Variants in INSRR observed in about 807,000 individuals in gnomAD.
The protein encoded by INSRR is insulin receptor related receptor.
A neutral mutation model predicts 130.0 loss-of-function variants in INSRR; 114 were observed. That is an observed-to-expected ratio of 0.88 (90% CI 0.75 to 1.02). The LOEUF is 1.02. Ranked by LOEUF, INSRR falls within the 50% of genes least tolerant of loss-of-function variation. The pLI is 0.00. For missense variants in INSRR, 1,657 were observed against 1,735.2 expected, an observed-to-expected ratio of 0.95 and a Z score of 0.80; for synonymous variants, 674 against 705.2, an observed-to-expected ratio of 0.96 and a Z score of 0.70.
intron 6 of INSRR, 74 bp from the exon 7 acceptor site, chr1:156,849,121 C>A: frequency 6.3e-7 from 1 of 1,597,784 alleles, no homozygotes; most frequent in Non-Finnish European, 8.5e-7. Context: ...CCCGCGGCAT[C>A]CCATTCCCAG....
In INSRR at chr1:156,848,977, G is replaced by A. The variant is rs1266200419; in HGVS notation, c.1515C>T (p.Arg505=). Residue 505 remains arginine (R), a synonymous_variant, in exon 7 of 22, where the codon CGC becomes CGT. Transcript: ENST00000368195. The part of the protein sequence containing the change: ...EADRILLRWE[R]YEPLEARDLL... The stretch of plus-strand genomic sequence containing the variant: ...GGTCGCGGGCCTCCAGTGGCTCATA[G>A]CGCTCCCAGCGTAGCAGGATGCGGT... 6.2e-7 allele frequency: 1 copy of A among 1,608,624 alleles called. No individual in the cohort carries two copies. Among genetic ancestry groups the A allele is most frequent in the Non-Finnish European group, 8.5e-7 (1 of 1,177,994 alleles).
At chr1:156,846,337 A>G (rs1038551901) in intron 8 of INSRR, among the ~76,000 whole-genome samples, 182 bp downstream of exon 8, 3 of 151,956 alleles carry the variant, frequency 2.0e-5, no homozygotes, top group African/African-American at 4.8e-5. Context: ...GACTGTCCCA[A>G]TCCCAGCCCC....
At chr1:156,856,782 G>T (rs11264574) in intron 1 of INSRR, among the ~76,000 whole-genome samples, 7,738 of 152,232 alleles carry the variant, frequency 0.051, 207 homozygotes, top group Admixed American at 0.075. Context: ...TGGATGTCTG[G>T]ATCCCAAGTT....
rs1655320744 is a variant in INSRR, at chr1:156,853,936, G to C, written c.453C>G (p.Ser151=). 5 of 1,613,922 alleles carry C rather than the reference G, an allele frequency of 3.1e-6. No homozygotes were observed. The highest frequency in any genetic ancestry group is 4.2e-6 in the Non-Finnish European group (5 of 1,179,878). The change falls in exon 2 of 22, where the codon TCC becomes TCG. Residue 151 remains serine, a synonymous_variant. Coordinates refer to ENST00000368195, the MANE Select transcript of INSRR (RefSeq NM_014215.3). ...GCTGCAGCAGTCCCCAGTCAATGGT[G>C]GAGAGGTGGCAGAGCTCCTGGTTCT... ...VEKNQELCHL[S]TIDWGLLQPA...
chr1:156,843,468 A>G lies in INSRR; in HGVS notation c.2855T>C (p.Leu952Pro). ...GTACTCTGGATTCACAGAAGCATAC[A>G]GGGTTCTGTTTCTGCAACGGGAGGT... ...FFYGKKRNRT[L>P]YASVNPEYFS... The change falls in exon 16 of 22, where the codon CTG becomes CCG. Residue 952 changes from leucine to proline, a missense_variant. Leu to Pro is a moderately conservative substitution (Grantham distance 98, BLOSUM62 -3). Transcript: ENST00000368195. 1.9e-6 allele frequency: 3 copies of G among 1,614,196 alleles called. No homozygotes were observed. Among genetic ancestry groups the G allele is most frequent in the Non-Finnish European group, 2.5e-6 (3 of 1,180,028 alleles).
intron 7 of INSRR, among the ~76,000 whole-genome samples, chr1:156,847,591 C>G (rs1474614040): frequency 6.6e-6 from 1 of 151,830 alleles, no homozygotes; most frequent in Non-Finnish European, 1.5e-5. Context: ...AATTGGGTGG[C>G]AGTGGGGGAA....
At position 156,853,870 on chromosome 1, in the gene INSRR, G is replaced by A. The variant is rs150662487; in HGVS notation, c.519C>T (p.Gly173=). The A allele has an allele frequency of 1.2e-4, 188 of 1,614,062 alleles. 1 individual carries two copies. The highest frequency in any genetic ancestry group is 9.1e-4 in the South Asian group (83 of 91,082). Residue 173 remains glycine (G), a synonymous_variant, in exon 2 of 22, where the codon GGC becomes GGT. Coordinates refer to ENST00000368195, the MANE Select transcript of INSRR (RefSeq NM_014215.3). ...GANHIVGNKL[G]EECADVCPGV... is the part of the protein sequence containing the mutation. ...CAGGGCACACGTCAGCACACTCCTC[G>A]CCCAGCTTGTTGCCCACGATGTGGT...
intron 19 of INSRR, 48 bp downstream of exon 19, chr1:156,842,064 G>A: frequency 6.2e-7 from 1 of 1,610,602 alleles, no homozygotes; most frequent in Non-Finnish European, 8.5e-7. Flanking sequence ...GCTTAAGGGA[G>A]TCTCTCTACT....
intron 5 of INSRR, among the ~76,000 whole-genome samples, 174 bp from the exon 6 acceptor site, chr1:156,849,634 T>C (rs1454466532): frequency 6.6e-6 from 1 of 152,196 alleles, no homozygotes; most frequent in Non-Finnish European, 1.5e-5. Flanking sequence ...TCTGTGCCAC[T>C]GACCAGGAGT....
At position 156,845,983 on chromosome 1, in the gene INSRR, G is replaced by C. The variant is rs1654992800; in HGVS notation, c.1947C>G (p.Gly649=). ...LVLWQRLAED[G]DLYLNDYCHR... ...GGCAGTAGTCATTGAGGTAGAGGTC[G>C]CCGTCCTCTGCCAGCCGCTGCCACA... is the stretch of plus-strand genomic sequence containing the variant. Residue 649 remains glycine (G), a synonymous_variant, in exon 9 of 22, where the codon GGC becomes GGG. Coordinates refer to ENST00000368195, the MANE Select transcript of INSRR (RefSeq NM_014215.3). 6.2e-7 allele frequency: 1 copy of C among 1,613,246 alleles called. No individual in the cohort carries two copies. The highest frequency in any genetic ancestry group is 1.7e-5 in the Admixed American group (1 of 59,952).
At position 156,846,603 on chromosome 1, in the gene INSRR, G is replaced by T. The variant is rs762538907; in HGVS notation, c.1726C>A (p.Arg576=). 6.2e-7 allele frequency: 1 copy of T among 1,613,968 alleles called. No homozygotes were observed. Among genetic ancestry groups the T allele is most frequent in the Non-Finnish European group, 8.5e-7 (1 of 1,180,024 alleles). Residue 576 remains arginine (R), a synonymous_variant, in exon 8 of 22, where the codon CGG becomes AGG. Coordinates refer to ENST00000368195, the MANE Select transcript of INSRR (RefSeq NM_014215.3). ...KPWTQYAVFV[R]AITLTTEEDS... is the part of the protein sequence containing the mutation. ...TCCTCAGTGGTTAGCGTGATGGCCC[G>T]CACAAACACTGCGTACTGTGTCCAA...
rs768051006 is a variant in INSRR at position 156,854,011 on chromosome 1, C to T, written c.378G>A (p.Val126=). The T allele has an allele frequency of 3.7e-6, 6 of 1,613,880 alleles. No individual in the cohort carries two copies. In the Admixed American group the frequency reaches 5.0e-5, roughly 13 times the overall value. The part of the protein sequence containing the change: ...VIFEMPHLRD[V]ALPALGAVLR... ...GCACGGCCCCAAGTGCAGGCAGTGC[C>T]ACGTCACGCAGATGTGGCATCTCAA... is the stretch of plus-strand genomic sequence containing the variant. The change falls in exon 2 of 22, where the codon GTG becomes GTA. Residue 126 remains valine, a synonymous_variant. Transcript: ENST00000368195. The surrounding 1 kb of genome is among the most constrained non-coding windows in gnomAD (Gnocchi z 4.2).
chr1:156,857,126 T>C (rs1356705451), intron 1 of INSRR, among the ~76,000 whole-genome samples: 3 of 151,200 alleles, frequency 2.0e-5, no homozygotes, highest in African/African-American at 7.3e-5. Flanking sequence ...CTGTTGTCAT[T>C]AATGGTCCTG....
Position 156,858,709 on chromosome 1 carries a change from A to G in INSRR, c.-88T>C. On this transcript the variant is annotated 5_prime_UTR_variant, in exon 1 of 22. Transcript: ENST00000368195. ...GTGATAAGCCCTAAGGGACACAGAG[A>G]CCAGGGTTCAGATAGGAGAGGGAGG... 9.0e-7 allele frequency: 1 copy of G among 1,116,900 alleles called. No homozygotes were observed. Among genetic ancestry groups the G allele is most frequent in the Non-Finnish European group, 1.4e-6 (1 of 731,832 alleles). The allele number at this position is 1,116,900 out of a possible 1,614,324, so 69.2% of individuals were successfully genotyped here.
rs767529375 is a variant in INSRR at position 156,851,703 on chromosome 1, C to T, written c.1027G>A (p.Asp343Asn). The T allele has an allele frequency of 3.1e-6, 5 of 1,614,074 alleles. No individual in the cohort carries two copies. The highest frequency in any genetic ancestry group is 4.2e-6 in the Non-Finnish European group (5 of 1,180,022). ...TCCACATGCGTGCAGCCCACAAGAT[C>T]CTGTGCCGCCTGGATGGAGTCGATG... is the stretch of plus-strand genomic sequence containing the variant. Reference protein sequence around the residue: ...KTIDSIQAAQDLVGCTHVEGS... With the variant: ...KTIDSIQAAQNLVGCTHVEGS... Residue 343 changes from aspartate (D) to asparagine (N), a missense_variant, in exon 4 of 22, where the codon GAT (aspartate) becomes AAT (asparagine). Coordinates refer to ENST00000368195, the MANE Select transcript of INSRR (RefSeq NM_014215.3).
At chr1:156,857,965 G>C (rs1261835360) in intron 1 of INSRR, among the ~76,000 whole-genome samples, 2 of 152,204 alleles carry the variant, frequency 1.3e-5, no homozygotes, top group Admixed American at 6.5e-5. Context: ...ATCTAGCCTG[G>C]GGGACAGGCC....
At chr1:156,844,114 A>T in intron 15 of INSRR, 61 bp downstream of exon 15, 1 of 1,248,974 alleles carries the variant, frequency 8.0e-7, no homozygotes, top group Non-Finnish European at 1.2e-6. Context: ...TCCCTTTGAC[A>T]GACTTTATGA....
At chr1:156,844,967 G>A in intron 12 of INSRR, 109 bp downstream of exon 12, 1 of 1,540,392 alleles carries the variant, frequency 6.5e-7, no homozygotes, top group Non-Finnish European at 8.8e-7. Context: ...AACTGAGAGG[G>A]GCAAGCAAAG....
Position 156,844,847 on chromosome 1 carries a change from C to A in INSRR, c.2438-4G>T. On this transcript the variant is annotated splice_polypyrimidine_tract_variant and splice_region_variant and intron_variant, in intron 12 of 21. Coordinates refer to ENST00000368195, the MANE Select transcript of INSRR (RefSeq NM_014215.3). ...CCTGGAATACCATCAGCCTCTCCTG[C>A]GGGAAGGGGCATCCAGCAGCCGGGC... The A allele has an allele frequency of 3.7e-6, 6 of 1,613,722 alleles. No homozygotes were observed. Among genetic ancestry groups the A allele is most frequent in the Non-Finnish European group, 3.4e-6 (4 of 1,179,856 alleles).
Sources: allele counts gnomAD v4.1 joint callset (sites outside exome capture counted in the v4.1 genomes callset), GRCh38; gene constraint gnomAD v4.1.1; non-coding constraint Gnocchi (gnomAD v3.1); transcripts MANE v1.5; gene names NCBI Gene and HGNC (gene_info 2026-07-23, HGNC 2026-07-21).